The following L3MBTL4 variants were observed in gnomAD, a reference collection of about 807,000 sequenced individuals.
L3MBTL4 encodes lethal(3)malignant brain tumor-like protein 4.
L3MBTL4 carries 70 observed loss-of-function variants against 84.5 expected under a neutral mutation model. That is an observed-to-expected ratio of 0.83 (90% CI 0.68 to 1.01). The LOEUF is 1.01. Among genes scored for constraint, L3MBTL4 ranks in the 50% least tolerant of loss-of-function variants. L3MBTL4 has a pLI of 0.00. For synonymous variants in L3MBTL4, 274 were observed against 259.8 expected, an observed-to-expected ratio of 1.05 and a Z score of -0.52; for missense variants, 715 against 754.8, an observed-to-expected ratio of 0.95 and a Z score of 0.62.
chr18:6,013,502 T>C (rs2054827575), intron 16 of L3MBTL4, among the ~76,000 whole-genome samples: 1 of 152,224 alleles, frequency 6.6e-6, no homozygotes, highest in African/African-American at 2.4e-5. Context: ...CACTCATAGA[T>C]TCCTGCTCAC....
chr18:6,328,813 C>T (rs1197567234), intron 1 of L3MBTL4, among the ~76,000 whole-genome samples: 1 of 152,168 alleles, frequency 6.6e-6, no homozygotes, highest in African/African-American at 2.4e-5. Context: ...CTCTGACTCT[C>T]CAGCTTAGCT....
chr18:6,110,708 G>C (rs1343996563), intron 14 of L3MBTL4, among the ~76,000 whole-genome samples: 1 of 152,006 alleles, frequency 6.6e-6, no homozygotes, highest in Non-Finnish European at 1.5e-5. Flanking sequence ...GTGTGCATGT[G>C]GGTGTACACA....
chr18:6,311,778 T>C, intron 2 of L3MBTL4, 122 bp from the exon 3 acceptor site: 1 of 623,790 alleles, frequency 1.6e-6, no homozygotes, highest in Non-Finnish European at 2.9e-6. Context: ...AATAACCTGA[T>C]AAGTTGACAA....
intron 1 of L3MBTL4, chr18:6,326,513 C>A (rs894417423): frequency 2.0e-5 from 3 of 152,202 alleles, no homozygotes; most frequent in African/African-American, 7.2e-5. Flanking sequence ...AATCTTAGAT[C>A]TTCTTCCTGC....
intron 16 of L3MBTL4, among the ~76,000 whole-genome samples, chr18:5,994,585 T>C (rs2053861846): frequency 6.6e-6 from 1 of 152,204 alleles, no homozygotes; most frequent in African/African-American, 2.4e-5. Context: ...AAAGTAAGAT[T>C]TGAAGCCAGG....
intron 12 of L3MBTL4, among the ~76,000 whole-genome samples, chr18:6,177,272 G>A (rs1048710114): frequency 2.6e-5 from 4 of 152,168 alleles, no homozygotes; most frequent in South Asian, 2.1e-4. Flanking sequence ...TCCATAAAAC[G>A]AATGCTAGTT....
Position 6,035,841 on chromosome 18 carries a change from G to A in L3MBTL4, c.1444+45040C>T, listed in dbSNP as rs574562976. On this transcript the variant is annotated intron_variant, in intron 16 of 18. Coordinates refer to ENST00000317931, the MANE Select transcript of L3MBTL4 (RefSeq NM_001330559.2). ...ACTAAATGCCCACAAGAGAAAGCAG[G>A]AAAGATCCAAAATTGACACCCTAAC... 3.3e-5 allele frequency among the ~76,000 whole-genome samples: 5 copies of A among 152,206 alleles called. No homozygotes were observed. In the East Asian group the frequency reaches 9.7e-4, roughly 29 times the overall value.
In L3MBTL4 at chr18:6,280,754, C is replaced by T. The variant is rs558309706; in HGVS notation, c.128-16716G>A. 2.6e-4 allele frequency among the ~76,000 whole-genome samples: 39 copies of T among 152,268 alleles called. No individual in the cohort carries two copies. In the East Asian group the frequency reaches 7.3e-3, roughly 29 times the overall value. ...ATCACAGGAGTCCTCAGTGGAAGAG[C>T]TTTCCCAGCTGTGGCCAGAGGAAAA... On this transcript the variant is annotated intron_variant, in intron 4 of 18. Coordinates refer to ENST00000317931, the MANE Select transcript of L3MBTL4 (RefSeq NM_001330559.2).
At chr18:6,112,284 T>C (rs1260716879) in intron 14 of L3MBTL4, among the ~76,000 whole-genome samples, 3 of 152,362 alleles carry the variant, frequency 2.0e-5, no homozygotes, top group Admixed American at 2.0e-4. Flanking sequence ...TAAAAGGAAT[T>C]GATCCTAACA....
chr18:6,202,828 C>T (rs1479011980), intron 12 of L3MBTL4, among the ~76,000 whole-genome samples: 4 of 152,128 alleles, frequency 2.6e-5, no homozygotes, highest in Admixed American at 1.3e-4. Flanking sequence ...CGTAGACATA[C>T]AAAAGATGTC....
At chr18:6,032,805 A>T (rs2055899523) in intron 16 of L3MBTL4, among the ~76,000 whole-genome samples, 1 of 152,064 alleles carries the variant, frequency 6.6e-6, no homozygotes. Flanking sequence ...ATCATAAAGT[A>T]TTTGTCTTTT....
At chr18:6,296,561 C>G (rs1475717157) in intron 4 of L3MBTL4, among the ~76,000 whole-genome samples, 1 of 152,154 alleles carries the variant, frequency 6.6e-6, no homozygotes. Flanking sequence ...CAGAAGAAAG[C>G]CCCTCCAGGC....
chr18:6,381,360 T>C (rs188975797), intron 1 of L3MBTL4, among the ~76,000 whole-genome samples: 2 of 152,356 alleles, frequency 1.3e-5, no homozygotes, highest in Admixed American at 1.3e-4. Context: ...ATGTGTGAAT[T>C]TGATTCTTTC....
intron 10 of L3MBTL4, among the ~76,000 whole-genome samples, chr18:6,228,319 A>C (rs187112464): frequency 1.3e-5 from 2 of 152,208 alleles, no homozygotes; most frequent in Non-Finnish European, 2.9e-5. Flanking sequence ...ATAAAAGAAA[A>C]TATTGTGAAC....
At chr18:6,301,663 C>T (rs1424521291) in intron 4 of L3MBTL4, among the ~76,000 whole-genome samples, 1 of 152,036 alleles carries the variant, frequency 6.6e-6, no homozygotes, top group African/African-American at 2.4e-5. Context: ...TTATTTAAAG[C>T]CTTTTTAAAA....
intron 13 of L3MBTL4, among the ~76,000 whole-genome samples, chr18:6,161,999 T>A (rs2043362851): frequency 6.6e-6 from 1 of 151,302 alleles, no homozygotes; most frequent in Non-Finnish European, 1.5e-5. Context: ...TGTACGCATT[T>A]TTCTTCCTTT....
Position 5,969,536 on chromosome 18 carries a change from C to T in L3MBTL4, c.1471G>A (p.Val491Met), listed in dbSNP as rs374219031. ...REYSVEQAQQ[V>M]LHQSVSMSTV... ...GACATGGACACTGACTGGTGAAGCA[C>T]CTGCTGCGCCTGCTCCACCGAGTAT... The change falls in exon 17 of 19, where the codon GTG becomes ATG. Residue 491 changes from valine (V) to methionine (M), a missense_variant. Transcript: ENST00000317931. 6.2e-7 allele frequency: 1 copy of T among 1,609,420 alleles called. No homozygotes were observed. The highest frequency in any genetic ancestry group is 1.1e-5 in the South Asian group (1 of 90,194).
Position 6,340,907 on chromosome 18 carries a change from G to A in L3MBTL4, c.-90-28851C>T, listed in dbSNP as rs979875726. 5.3e-5 allele frequency among the ~76,000 whole-genome samples: 8 copies of A among 152,268 alleles called. No homozygotes were observed. The South Asian group carries it at 1.7e-3, about 32-fold the overall frequency. ...TAGATTGGGATAATGTGTGCAATCT[G>A]AACACATCAGGTCACTGCACTAGGG... On this transcript the variant is annotated intron_variant, in intron 1 of 18. Coordinates refer to ENST00000317931, the MANE Select transcript of L3MBTL4 (RefSeq NM_001330559.2).
At chr18:6,367,039 G>C (rs2053965842) in intron 1 of L3MBTL4, among the ~76,000 whole-genome samples, 1 of 152,208 alleles carries the variant, frequency 6.6e-6, no homozygotes, top group South Asian at 2.1e-4. Flanking sequence ...GCAGGTGCCA[G>C]AAGGCAAGGC....
Sources: allele counts gnomAD v4.1 joint callset (sites outside exome capture counted in the v4.1 genomes callset), GRCh38; gene constraint gnomAD v4.1.1; transcripts MANE v1.5; gene names NCBI Gene and HGNC (gene_info 2026-07-23, HGNC 2026-07-21).